Variants in HTR7 observed in about 807,000 individuals in gnomAD.
HTR7 encodes the protein 5-HT-7.
A neutral mutation model predicts 34.0 loss-of-function variants in HTR7; 16 were observed. The observed-to-expected ratio is 0.47, with a 90% CI of 0.32 to 0.71. The LOEUF (loss-of-function observed/expected upper bound fraction) is 0.71, where lower values mean the gene tolerates loss of function less well. HTR7 is among the 30% of genes least tolerant of loss of function. The pLI is 0.04. For missense variants in HTR7, 504 were observed against 625.5 expected, an observed-to-expected ratio of 0.81 and a Z score of 2.07; for synonymous variants, 265 against 260.2, an observed-to-expected ratio of 1.02 and a Z score of -0.18.
chr10:90,801,854 G>A (rs1845632535), intron 1 of HTR7, among the ~76,000 whole-genome samples: 1 of 152,092 alleles, frequency 6.6e-6, no homozygotes, highest in Non-Finnish European at 1.5e-5. Context: ...TGATTATTGG[G>A]AAAAAAGGGA....
intron 1 of HTR7, among the ~76,000 whole-genome samples, chr10:90,798,080 T>C (rs893355618): frequency 2.6e-5 from 4 of 152,182 alleles, no homozygotes; most frequent in African/African-American, 9.7e-5. Context: ...CACCTCTTAA[T>C]ACCATCAAAA....
At chr10:90,830,727 G>T (rs984950198) in intron 1 of HTR7, among the ~76,000 whole-genome samples, 1 of 149,824 alleles carries the variant, frequency 6.7e-6, no homozygotes, top group Non-Finnish European at 1.5e-5. Context: ...GATGGAGGCA[G>T]CAGTAAGCCA....
At chr10:90,838,952 T>C (rs1050867713) in intron 1 of HTR7, among the ~76,000 whole-genome samples, 1 of 152,350 alleles carries the variant, frequency 6.6e-6, no homozygotes, top group South Asian at 2.1e-4. Context: ...TTATTCTTAC[T>C]AGAATATAAG....
chr10:90,833,577 T>C (rs1846210930), intron 1 of HTR7, among the ~76,000 whole-genome samples: 2 of 152,242 alleles, frequency 1.3e-5, no homozygotes. Flanking sequence ...TAATCTTACA[T>C]TGAGGATTTA....
chr10:90,749,524 G>A lies in HTR7; in HGVS notation c.610C>T (p.Leu204Phe), dbSNP rs767935051. 1 of 1,614,126 alleles carries A rather than the reference G, an allele frequency of 6.2e-7. No individual in the cohort carries two copies. The highest frequency in any genetic ancestry group is 1.7e-5 in the Admixed American group (1 of 60,026). Residue 204 changes from leucine (L) to phenylalanine (F), a missense_variant, in exon 2 of 4, where the codon CTC becomes TTC. Leu to Phe is a conservative substitution (Grantham distance 22). This residue lies in a region of HTR7 where 154 missense variants were observed against 248.8 expected (regional missense o/e 0.62). Transcript: ENST00000336152. The surrounding 1 kb of genome is among the most constrained non-coding windows in gnomAD (Gnocchi z 4.2). ...QNGKCMAKMI[L>F]SVWLLSASIT... Reference sequence around the variant, plus strand: ...GAGGCGGAGAGAAGCCAGACGGAGAGAATCATCTTCGCCATGCATTTCCCA... The same window carrying A: ...GAGGCGGAGAGAAGCCAGACGGAGAAAATCATCTTCGCCATGCATTTCCCA...
At chr10:90,821,501 C>T (rs1278692161) in intron 1 of HTR7, among the ~76,000 whole-genome samples, 2 of 152,208 alleles carry the variant, frequency 1.3e-5, no homozygotes, top group African/African-American at 4.8e-5. Context: ...TCCAGCAAGC[C>T]TTGCCACTGC....
chr10:90,783,848 T>C (rs1845342848), intron 1 of HTR7, among the ~76,000 whole-genome samples: 1 of 152,200 alleles, frequency 6.6e-6, no homozygotes, highest in Non-Finnish European at 1.5e-5. Context: ...GGTCTTCTTT[T>C]CTCATGCTCC....
chr10:90,761,018 CTT>C (rs1449940669), intron 1 of HTR7, among the ~76,000 whole-genome samples: 4 of 152,086 alleles, frequency 2.6e-5, no homozygotes, highest in Non-Finnish European at 5.9e-5. Context: ...TTCAAGTAAA[CTT>C]AGTTTTAATA....
chr10:90,851,226 G>T (rs1215447882), intron 1 of HTR7, among the ~76,000 whole-genome samples: 1 of 152,174 alleles, frequency 6.6e-6, no homozygotes, highest in Non-Finnish European at 1.5e-5. Context: ...AATGATGGCA[G>T]TCAGAAGACA....
At chr10:90,834,064 C>A (rs1320215804) in intron 1 of HTR7, among the ~76,000 whole-genome samples, 2 of 152,136 alleles carry the variant, frequency 1.3e-5, no homozygotes, top group East Asian at 1.9e-4. Context: ...AAAGAGAATG[C>A]GAAAACAGAA....
intron 1 of HTR7, among the ~76,000 whole-genome samples, chr10:90,829,365 T>C (rs1278652417): frequency 6.6e-6 from 1 of 152,206 alleles, no homozygotes; most frequent in African/African-American, 2.4e-5. Flanking sequence ...TTTTCTTTTT[T>C]TGGGGTTGTC....
At chr10:90,773,747 G>A (rs1439619339) in intron 1 of HTR7, among the ~76,000 whole-genome samples, 9 of 152,006 alleles carry the variant, frequency 5.9e-5, no homozygotes, top group African/African-American at 1.5e-4. Context: ...TAATAACCTC[G>A]AATTCCACTC....
At chr10:90,793,350 A>G (rs1485924541) in intron 1 of HTR7, among the ~76,000 whole-genome samples, 1 of 151,884 alleles carries the variant, frequency 6.6e-6, no homozygotes, top group Non-Finnish European at 1.5e-5. Flanking sequence ...GCAGAACTTG[A>G]AAATCAACTA....
At chr10:90,826,665 G>A (rs1186643958) in intron 1 of HTR7, among the ~76,000 whole-genome samples, 1 of 152,154 alleles carries the variant, frequency 6.6e-6, no homozygotes, top group Non-Finnish European at 1.5e-5. Flanking sequence ...GTTGTCATAA[G>A]TTTAAAATAC....
intron 1 of HTR7, among the ~76,000 whole-genome samples, chr10:90,806,418 GA>G (rs1845707404): frequency 6.6e-6 from 1 of 152,086 alleles, no homozygotes; most frequent in African/African-American, 2.4e-5. Context: ...CCAACACGGT[GA>G]AACCCCGTCT....
intron 1 of HTR7, among the ~76,000 whole-genome samples, chr10:90,842,367 A>C (rs1846342100): frequency 6.6e-6 from 1 of 152,184 alleles, no homozygotes; most frequent in Admixed American, 6.5e-5. Flanking sequence ...GTTGTTTATA[A>C]ATTACCCAGT....
chr10:90,779,223 C>T (rs190465370), intron 1 of HTR7, among the ~76,000 whole-genome samples: 2 of 152,296 alleles, frequency 1.3e-5, no homozygotes, highest in East Asian at 3.9e-4. Context: ...CCTTCTCCCC[C>T]TTTGGAGCAG....
chr10:90,744,188 C>T (rs1221528049), intron 2 of HTR7, among the ~76,000 whole-genome samples: 2 of 150,880 alleles, frequency 1.3e-5, no homozygotes, highest in African/African-American at 2.4e-5. Flanking sequence ...TGAGTGAGAG[C>T]TAGAGAGAGG....
chr10:90,840,177 TCACACA>T (rs35170324), intron 1 of HTR7, among the ~76,000 whole-genome samples: 412 of 136,872 alleles, frequency 3.0e-3, no homozygotes, highest in African/African-American at 9.4e-3. Context: ...TCTCTCTCTC[TCACACA>T]CACACACACA....
Sources: allele counts gnomAD v4.1 joint callset (sites outside exome capture counted in the v4.1 genomes callset), GRCh38; gene constraint gnomAD v4.1.1; regional missense constraint gnomAD v4.1.1; non-coding constraint Gnocchi (gnomAD v3.1); transcripts MANE v1.5; gene names NCBI Gene and HGNC (gene_info 2026-07-23, HGNC 2026-07-21).